Variants in DGKD observed in about 807,000 individuals in gnomAD.
DGKD encodes diacylglycerol kinase delta, also known as DAG kinase delta.
Under a neutral mutation model 154.4 loss-of-function variants are expected in DGKD, and 68 were observed. The ratio of observed to expected loss-of-function variants is 0.44; its 90% CI spans 0.36 to 0.54. The LOEUF (loss-of-function observed/expected upper bound fraction) is 0.54. Among genes scored for constraint, DGKD ranks in the 20% least tolerant of loss-of-function variants. The pLI is 0.00. For synonymous variants in DGKD, 693 were observed against 638.0 expected (o/e 1.09, Z -1.30); for missense variants, 1,343 against 1,593.6 (o/e 0.84, Z 2.68).
At chr2:233,420,788 C>T (rs373525884) in intron 3 of DGKD, among the ~76,000 whole-genome samples, 1 of 152,208 alleles carries the variant, frequency 6.6e-6, no homozygotes, top group Non-Finnish European at 1.5e-5. Context: ...AGTTGAGGCC[C>T]ACGATGCTGG....
At chr2:233,434,271 A>G in intron 3 of DGKD, 109 bp from the exon 4 acceptor site, 1 of 800,454 alleles carries the variant, frequency 1.2e-6, no homozygotes, top group Non-Finnish European at 2.0e-6. Context: ...GAATACCTGA[A>G]TGAAATAGTA....
chr2:233,450,559 C>T (rs543225164), intron 16 of DGKD, among the ~76,000 whole-genome samples: 1 of 152,298 alleles, frequency 6.6e-6, no homozygotes, highest in South Asian at 2.1e-4. Flanking sequence ...AGGGCACCCC[C>T]AGCCTGTGCA....
At chr2:233,421,699 TC>T (rs2062120730) in intron 3 of DGKD, among the ~76,000 whole-genome samples, 1 of 151,854 alleles carries the variant, frequency 6.6e-6, no homozygotes, top group South Asian at 2.1e-4. Flanking sequence ...TGCTGTGGAG[TC>T]CCCTGGCCCC....
intron 3 of DGKD, among the ~76,000 whole-genome samples, chr2:233,396,975 G>A (rs1407583461): frequency 4.3e-5 from 5 of 116,254 alleles, no homozygotes; most frequent in Admixed American, 1.6e-4. Flanking sequence ...GGGTGGCTGG[G>A]GGGGGCAGAG....
chr2:233,457,577 C>T lies in DGKD; in HGVS notation c.2580+249C>T, dbSNP rs779881933. The stretch of plus-strand genomic sequence containing the variant: ...CAGCAGATGTGGTCAGCGGGTGTGA[C>T]GTGGAAGGAGGGTCAGGGAAGGTGT... On this transcript the variant is annotated intron_variant, in intron 21 of 29. Transcript: ENST00000264057. The surrounding 1 kb of genome is among the most constrained non-coding windows in gnomAD (Gnocchi z 5.5). The T allele has an allele frequency of 1.8e-5, 11 of 614,168 alleles. No individual in the cohort carries two copies. Among genetic ancestry groups the T allele is most frequent in the South Asian group, 7.6e-5 (5 of 65,956 alleles). The allele number at this position is 614,168 out of a possible 1,614,324, so 38.0% of individuals were successfully genotyped here.
intron 2 of DGKD, chr2:233,389,087 A>C (rs1703400565): frequency 6.6e-6 from 1 of 151,644 alleles, no homozygotes; most frequent in African/African-American, 2.4e-5. Context: ...CTGGTCTTGA[A>C]CTCCTGACCT....
In DGKD at chr2:233,460,295, G is replaced by A. The variant is rs370253322; in HGVS notation, c.2931G>A (p.Glu977=). 220 of 1,613,900 alleles carry A rather than the reference G, an allele frequency of 1.4e-4. No homozygotes were observed. The highest frequency in any genetic ancestry group is 1.8e-4 in the Non-Finnish European group (210 of 1,179,998). Residue 977 remains glutamate, a synonymous_variant, in exon 24 of 30, where the codon GAG becomes GAA. Transcript: ENST00000264057. ...SLHPEMLSEE[E]ATQMDQFGQA... is the part of the protein sequence containing the mutation. ...ACCCGGAGATGCTGTCCGAGGAGGA[G>A]GCCACCCAGATGGACCAGTTTGGGC...
rs2063584646 is a variant in DGKD, at chr2:233,460,255, C to T, written c.2891C>T (p.Pro964Leu). ...DKQKCELPRP[P>L]SCSLHPEMLS... ...CAGAAGTGCGAGCTGCCCCGCCCTC[C>T]ATCCTGTTCCCTGCACCCGGAGATG... The change falls in exon 24 of 30, where the codon CCA (proline) becomes CTA (leucine). Residue 964 changes from proline to leucine, a missense_variant. This residue lies in a region of DGKD where 429 missense variants were observed against 496.3 expected (regional missense o/e 0.86). Coordinates refer to ENST00000264057, the MANE Select transcript of DGKD (RefSeq NM_152879.3). 6.2e-7 allele frequency: 1 copy of T among 1,613,988 alleles called. No individual in the cohort carries two copies. The highest frequency in any genetic ancestry group is 8.5e-7 in the Non-Finnish European group (1 of 1,179,984).
At chr2:233,468,710 G>T (rs1176534299) in intron 29 of DGKD, among the ~76,000 whole-genome samples, 157 bp downstream of exon 29, 1 of 152,168 alleles carries the variant, frequency 6.6e-6, no homozygotes, top group African/African-American at 2.4e-5. Context: ...CCCTCATCTA[G>T]GCAGTGATGG....
intron 3 of DGKD, among the ~76,000 whole-genome samples, chr2:233,394,101 T>G (rs1382091092): frequency 6.6e-6 from 1 of 152,262 alleles, no homozygotes; most frequent in Non-Finnish European, 1.5e-5. Flanking sequence ...TCAGGCCAGT[T>G]ACGTTTAACA....
chr2:233,463,425 C>T (rs1280661728), intron 26 of DGKD, among the ~76,000 whole-genome samples: 1 of 142,960 alleles, frequency 7.0e-6, no homozygotes, highest in Non-Finnish European at 1.5e-5. Context: ...CCTCACTCCA[C>T]GCATCTCCTC....
chr2:233,389,461 T>G (rs1703428926), intron 2 of DGKD, among the ~76,000 whole-genome samples: 1 of 152,136 alleles, frequency 6.6e-6, no homozygotes, highest in South Asian at 2.1e-4. Flanking sequence ...TTAAGAAATC[T>G]GGAGTCTGAA....
rs750347550 is a variant in DGKD, at chr2:233,437,419, C to T, written c.862C>T (p.Leu288Phe). ...CKESLLTKCP[L>F]GLCKVSVIPP... ...AGAATCCTTGCTGACCAAGTGCCCA[C>T]TTGGCCTGTGCAAAGTGTCAGTCAT... Residue 288 changes from leucine to phenylalanine, a missense_variant, in exon 8 of 30, where the codon CTT becomes TTT. Leu to Phe is a conservative substitution (Grantham distance 22). Transcript: ENST00000264057. 2 of 1,614,136 alleles carry T rather than the reference C, an allele frequency of 1.2e-6. No homozygotes were observed. Among genetic ancestry groups the T allele is most frequent in the African/African-American group, 1.3e-5 (1 of 74,948 alleles).
chr2:233,399,366 T>C (rs1033352949), intron 3 of DGKD, among the ~76,000 whole-genome samples: 5 of 152,366 alleles, frequency 3.3e-5, no homozygotes, highest in African/African-American at 1.2e-4. Flanking sequence ...TGTTCGGCTC[T>C]GCAGGAAGCT....
Position 233,441,746 on chromosome 2 carries a change from G to A in DGKD, c.1086-141G>A, listed in dbSNP as rs933377134. 5.7e-5 allele frequency: 40 copies of A among 697,440 alleles called. No individual in the cohort carries two copies. The African/African-American group carries it at 6.1e-4, about 11-fold the overall frequency. The allele number at this position is 697,440 out of a possible 1,614,324, so 43.2% of individuals were successfully genotyped here. On this transcript the variant is annotated intron_variant, in intron 9 of 29. Transcript: ENST00000264057. The surrounding 1 kb of genome is among the most constrained non-coding windows in gnomAD (Gnocchi z 5.6). ...CCTGAGTGGAGGCGGCTGGTGTCAC[G>A]TGGCAGGGCCTGTGCGTGCTCTGCC...
chr2:233,463,749 G>A (rs980346717), intron 26 of DGKD: 56 of 231,680 alleles, frequency 2.4e-4, no homozygotes, highest in Non-Finnish European at 4.5e-4. Flanking sequence ...CTTATCCCAT[G>A]CCTCCCCTCG....
At chr2:233,416,309 A>G (rs973721411) in intron 3 of DGKD, among the ~76,000 whole-genome samples, 1 of 152,206 alleles carries the variant, frequency 6.6e-6, no homozygotes, top group African/African-American at 2.4e-5. Flanking sequence ...TAAGTATTGA[A>G]CACACAAACA....
chr2:233,433,267 T>C (rs1412744959), intron 3 of DGKD, among the ~76,000 whole-genome samples: 1 of 152,072 alleles, frequency 6.6e-6, no homozygotes, highest in African/African-American at 2.4e-5. Flanking sequence ...TGAAAAAGAA[T>C]GAGATCCTGT....
intron 1 of DGKD, among the ~76,000 whole-genome samples, chr2:233,355,227 C>T (rs759963322): frequency 1.3e-5 from 2 of 152,182 alleles, no homozygotes; most frequent in Admixed American, 6.5e-5. Flanking sequence ...GGAAGGGATG[C>T]GCGTTCAGTG....
Sources: allele counts gnomAD v4.1 joint callset (sites outside exome capture counted in the v4.1 genomes callset), GRCh38; gene constraint gnomAD v4.1.1; regional missense constraint gnomAD v4.1.1; non-coding constraint Gnocchi (gnomAD v3.1); transcripts MANE v1.5; gene names NCBI Gene and HGNC (gene_info 2026-07-23, HGNC 2026-07-21).